Variants in MAPKAPK5 observed in about 807,000 individuals in gnomAD.
MAPKAPK5 encodes MAP kinase-activated protein kinase 5.
In MAPKAPK5, 30 loss-of-function variants were observed where a neutral mutation model predicts 65.1. The observed-to-expected ratio is 0.46, with a 90% CI of 0.34 to 0.63. MAPKAPK5 has a LOEUF of 0.63. Ranked by LOEUF, MAPKAPK5 falls within the 20% of genes least tolerant of loss-of-function variation. The probability of loss-of-function intolerance (pLI) is 0.01; values close to 1 mark genes in which losing one functional copy is unlikely to be tolerated. For synonymous variants in MAPKAPK5, 179 were observed against 204.6 expected (o/e 0.87, Z 1.07); for missense variants, 433 against 581.4 (o/e 0.74, Z 2.63).
rs2068746726 is a variant in MAPKAPK5, at chr12:111,842,518, G to T, written c.-216G>T. The T allele has an allele frequency of 2.7e-6, 1 of 367,504 alleles. No individual in the cohort carries two copies. The highest frequency in any genetic ancestry group is 2.1e-5 in the African/African-American group (1 of 47,266). The allele number at this position is 367,504 out of a possible 1,614,324, so 22.8% of individuals were successfully genotyped here. A position where few individuals can be genotyped will look rare whatever the true frequency, so the allele number is the denominator to read the frequency against. ...GCACAAAGACCTGTCCCCAGGGGCC[G>T]CCGCCTCCGCCGCTGCTGCTGCCGC... is the stretch of plus-strand genomic sequence containing the variant. On this transcript the variant is annotated 5_prime_UTR_variant, in exon 1 of 14. Coordinates refer to ENST00000550735, the MANE Select transcript of MAPKAPK5 (RefSeq NM_003668.4).
At chr12:111,878,028 C>T (rs975901199) in intron 7 of MAPKAPK5, among the ~76,000 whole-genome samples, 9 of 150,988 alleles carry the variant, frequency 6.0e-5, no homozygotes, top group Non-Finnish European at 1.2e-4. Context: ...TTAAACTCTC[C>T]CAGGTTGTCA....
At chr12:111,885,761 T>A in intron 9 of MAPKAPK5, 155 bp from the exon 10 acceptor site, 4 of 828,770 alleles carry the variant, frequency 4.8e-6, no homozygotes, top group Non-Finnish European at 7.4e-6. Context: ...CTACAAGTGG[T>A]TGGAGACTAG....
At position 111,895,939 on chromosome 12, in the gene MAPKAPK5, G is replaced by A. The variant is rs1022178856; in HGVS notation, c.*2878G>A. 2 of 152,130 alleles carry A rather than the reference G, an allele frequency of 1.3e-5. No homozygotes were observed. Among genetic ancestry groups the A allele is most frequent in the Non-Finnish European group, 2.9e-5 (2 of 68,030 alleles). The allele number at this position is 152,130 out of a possible 1,614,324, so 9.4% of individuals were successfully genotyped here. ...AGAGTTGAATTAAGTGCCTGTTGTTGTGTTTTTCAGTGAAATGCAAATCTT... is the reference window on the plus strand; with the variant it reads ...AGAGTTGAATTAAGTGCCTGTTGTTATGTTTTTCAGTGAAATGCAAATCTT... On this transcript the variant is annotated 3_prime_UTR_variant, in exon 14 of 14. Transcript: ENST00000550735.
Position 111,866,671 on chromosome 12 carries a change from G to A in MAPKAPK5, c.186+440G>A, listed in dbSNP as rs989163364. On this transcript the variant is annotated intron_variant, in intron 3 of 13. Coordinates refer to ENST00000550735, the MANE Select transcript of MAPKAPK5 (RefSeq NM_003668.4). ...GTTGCCCAGGCTGGAGTGCGATGGCGCAATCTCGGCTTACGGCAACCTCCG... is the reference window on the plus strand; with the variant it reads ...GTTGCCCAGGCTGGAGTGCGATGGCACAATCTCGGCTTACGGCAACCTCCG... Among the ~76,000 whole-genome samples, 5 of 151,896 alleles carry A rather than the reference G, an allele frequency of 3.3e-5. No individual in the cohort carries two copies. The East Asian group carries it at 5.8e-4, about 18-fold the overall frequency.
intron 12 of MAPKAPK5, 163 bp downstream of exon 12, chr12:111,889,163 C>T (rs1345458854): frequency 1.5e-6 from 1 of 676,866 alleles, no homozygotes; most frequent in African/African-American, 1.8e-5. Flanking sequence ...TAGTCTATGC[C>T]CACTAAAAAG....
At chr12:111,846,471 A>G (rs1025274668) in intron 1 of MAPKAPK5, among the ~76,000 whole-genome samples, 4 of 144,058 alleles carry the variant, frequency 2.8e-5, no homozygotes, top group African/African-American at 1.1e-4. Flanking sequence ...GGAAAATTCC[A>G]GAAATCAATA....
Position 111,889,834 on chromosome 12 carries a change from A to G in MAPKAPK5, c.1217-206A>G, listed in dbSNP as rs2070544732. On this transcript the variant is annotated intron_variant, in intron 12 of 13. Transcript: ENST00000550735. ...ACTCTGGGGCCATCAGTGGATTTGT[A>G]TAAAGATGTCAGAGTAAAAAAGAGT... is the stretch of plus-strand genomic sequence containing the variant. The G allele has an allele frequency of 6.1e-6, 3 of 493,562 alleles. No homozygotes were observed. In the Middle Eastern group the frequency reaches 1.7e-3, roughly 276 times the overall value. The allele number at this position is 493,562 out of a possible 1,614,324, so 30.6% of individuals were successfully genotyped here.
rs562941699 is a variant in MAPKAPK5 at position 111,847,001 on chromosome 12, G to A, written c.36+4232G>A. Reference sequence around the variant, plus strand: ...ATTTCAGGCATCCACTGGAGGTCTTGGAACATATCCTCCCTTATCTGTGGG... The same window carrying A: ...ATTTCAGGCATCCACTGGAGGTCTTAGAACATATCCTCCCTTATCTGTGGG... On this transcript the variant is annotated intron_variant, in intron 1 of 13. Coordinates refer to ENST00000550735, the MANE Select transcript of MAPKAPK5 (RefSeq NM_003668.4). Among the ~76,000 whole-genome samples, 187 of 152,126 alleles carry A rather than the reference G, an allele frequency of 1.2e-3. 1 individual carries two copies. The highest frequency in any genetic ancestry group is 7.1e-4 in the Non-Finnish European group (48 of 67,992).
At chr12:111,887,690 G>A (rs928606939) in intron 10 of MAPKAPK5, 1 of 152,080 alleles carries the variant, frequency 6.6e-6, no homozygotes, top group African/African-American at 2.4e-5. Flanking sequence ...TTCTTGTTGT[G>A]AAAATTCAGG....
intron 7 of MAPKAPK5, among the ~76,000 whole-genome samples, chr12:111,871,767 T>A (rs7962814): frequency 6.6e-6 from 1 of 152,170 alleles, no homozygotes; most frequent in African/African-American, 2.4e-5. Context: ...ATACCCCATA[T>A]GGCGACCACC....
chr12:111,868,708 C>CTTTTT, intron 4 of MAPKAPK5, 45 bp from the exon 5 acceptor site: 1 of 1,282,306 alleles, frequency 7.8e-7, no homozygotes, highest in Non-Finnish European at 1.1e-6. Flanking sequence ...GTTTCTTTTT[C>CTTTTT]TTTTTTTTTT....
chr12:111,860,296 A>G (rs1372479216), intron 1 of MAPKAPK5, among the ~76,000 whole-genome samples: 1 of 152,158 alleles, frequency 6.6e-6, no homozygotes, highest in Non-Finnish European at 1.5e-5. Context: ...AACTCTAAAA[A>G]ATTGCTGCTG....
At chr12:111,881,305 C>A (rs1253924825) in intron 8 of MAPKAPK5, among the ~76,000 whole-genome samples, 1 of 152,026 alleles carries the variant, frequency 6.6e-6, no homozygotes, top group Non-Finnish European at 1.5e-5. Context: ...AACTCCTGAC[C>A]TCAAGTGATC....
chr12:111,900,100 C>T lies in MAPKAPK5; in HGVS notation c.*7039C>T, dbSNP rs1375886867. 2.2e-6 allele frequency: 1 copy of T among 456,042 alleles called. No individual in the cohort carries two copies. Among genetic ancestry groups the T allele is most frequent in the Non-Finnish European group, 4.4e-6 (1 of 226,786 alleles). 28.2% of individuals were successfully genotyped at this position (456,042 alleles called of 1,614,324 possible). A position where few individuals can be genotyped will look rare whatever the true frequency, so the allele number is the denominator to read the frequency against. Reference sequence around the variant, plus strand: ...GGAATAAACACAGAGGTGGTGCTGGCTGGAATGGAGATTTGGACCGAGGGG... The same window carrying T: ...GGAATAAACACAGAGGTGGTGCTGGTTGGAATGGAGATTTGGACCGAGGGG... On this transcript the variant is annotated 3_prime_UTR_variant, in exon 14 of 14. Coordinates refer to ENST00000550735, the MANE Select transcript of MAPKAPK5 (RefSeq NM_003668.4).
At chr12:111,863,459 A>G (rs2069508215) in intron 1 of MAPKAPK5, among the ~76,000 whole-genome samples, 1 of 152,156 alleles carries the variant, frequency 6.6e-6, no homozygotes, top group Non-Finnish European at 1.5e-5. Context: ...TCATACCTGA[A>G]CTTAGCCTGG....
chr12:111,872,778 G>C (rs555409076), intron 7 of MAPKAPK5, among the ~76,000 whole-genome samples: 2 of 152,070 alleles, frequency 1.3e-5, no homozygotes, highest in Admixed American at 1.3e-4. Flanking sequence ...TCCAATGAGT[G>C]TCTCTCTCTA....
At chr12:111,889,799 T>C (rs929263358) in intron 12 of MAPKAPK5, 15 of 407,344 alleles carry the variant, frequency 3.7e-5, no homozygotes, top group Middle Eastern at 7.1e-4. Context: ...TCCCATCCCC[T>C]GGTGCTAAGA....
rs775396958 is a variant in MAPKAPK5 at position 111,865,254 on chromosome 12, C to T, written c.41C>T (p.Thr14Ile). 6 of 1,571,432 alleles carry T rather than the reference C, an allele frequency of 3.8e-6. No individual in the cohort carries two copies. In the South Asian group the frequency reaches 7.0e-5, roughly 18 times the overall value. The change falls in exon 2 of 14, where the codon ACT becomes ATT. Residue 14 changes from threonine (T) to isoleucine (I), a missense_variant. Coordinates refer to ENST00000550735, the MANE Select transcript of MAPKAPK5 (RefSeq NM_003668.4). ...TCCCTTTTTTTATATTAATAGGAAACTTCCATTTTAGAAGAATACAGTATC... is the reference window on the plus strand; with the variant it reads ...TCCCTTTTTTTATATTAATAGGAAATTTCCATTTTAGAAGAATACAGTATC... ...ESDMDKAIKE[T>I]SILEEYSINW...
At chr12:111,860,250 A>C (rs1226576345) in intron 1 of MAPKAPK5, among the ~76,000 whole-genome samples, 1 of 152,150 alleles carries the variant, frequency 6.6e-6, no homozygotes, top group Non-Finnish European at 1.5e-5. Context: ...CTGCTGAGCT[A>C]TACCCCCCTG....
Sources: gnomAD v4.1 joint callset for allele counts (sites outside exome capture counted in the v4.1 genomes callset) on GRCh38, gnomAD v4.1.1 for gene constraint, MANE v1.5 for transcripts, NCBI Gene and HGNC (gene_info 2026-07-23, HGNC 2026-07-21) for gene names.